Variants in ATP6V0E1 observed in about 807,000 individuals in gnomAD.
ATP6V0E1 encodes V-type proton ATPase subunit e 1.
Under a neutral mutation model 11.6 loss-of-function variants are expected in ATP6V0E1, and 4 were observed. That is an observed-to-expected ratio of 0.35 (90% confidence interval 0.17 to 0.79). The LOEUF (loss-of-function observed/expected upper bound fraction) is 0.79, where lower values mean the gene tolerates loss of function less well. Among genes scored for constraint, ATP6V0E1 ranks in the 30% least tolerant of loss-of-function variants. The pLI is 0.54. For synonymous variants in ATP6V0E1, 36 were observed against 34.8 expected (o/e 1.04, Z -0.13); for missense variants, 105 against 100.0 (o/e 1.05, Z -0.21).
At chr5:172,986,934 C>T (rs893383016) in intron 1 of ATP6V0E1, among the ~76,000 whole-genome samples, 2 of 151,810 alleles carry the variant, frequency 1.3e-5, no homozygotes, top group African/African-American at 2.4e-5. Context: ...GTTACAGGCG[C>T]GCACCACCAT....
intron 2 of ATP6V0E1, among the ~76,000 whole-genome samples, chr5:172,996,317 T>C (rs1268819796): frequency 1.3e-5 from 2 of 152,050 alleles, no homozygotes; most frequent in African/African-American, 4.8e-5. Flanking sequence ...CCCAGCACTT[T>C]GGGAGGCCGA....
intron 2 of ATP6V0E1, among the ~76,000 whole-genome samples, chr5:173,012,027 T>C (rs2113599569): frequency 6.6e-6 from 1 of 150,884 alleles, no homozygotes; most frequent in African/African-American, 2.5e-5. Flanking sequence ...ACTAGACTGT[T>C]TCCTAGGTAA....
chr5:173,002,921 C>T (rs1756180456), intron 2 of ATP6V0E1, among the ~76,000 whole-genome samples: 1 of 151,656 alleles, frequency 6.6e-6, no homozygotes, highest in African/African-American at 2.4e-5. Flanking sequence ...ACAGGGGTAT[C>T]CCACCTGTAG....
chr5:173,018,716 TTTTCGCCATTGTA>T (rs1202499669), intron 2 of ATP6V0E1, among the ~76,000 whole-genome samples: 9 of 152,196 alleles, frequency 5.9e-5, no homozygotes, highest in Admixed American at 5.9e-4. Flanking sequence ...GACATTTCAT[TTTTCGCCATTGTA>T]TTTCTGAGGC....
intron 2 of ATP6V0E1, among the ~76,000 whole-genome samples, chr5:173,007,255 A>G (rs1193278892): frequency 1.3e-5 from 2 of 152,172 alleles, no homozygotes; most frequent in Non-Finnish European, 2.9e-5. Context: ...GATTACAAGC[A>G]TGAGCCACCG....
intron 1 of ATP6V0E1, chr5:172,986,530 G>A (rs529980085): frequency 4.9e-4 from 110 of 226,670 alleles, no homozygotes; most frequent in African/African-American, 2.5e-3. Flanking sequence ...GGCTGAGTGA[G>A]GGGGATGGGA....
At chr5:172,985,053 T>C (rs931039796) in intron 1 of ATP6V0E1, among the ~76,000 whole-genome samples, 3 of 152,188 alleles carry the variant, frequency 2.0e-5, no homozygotes, top group Admixed American at 6.5e-5. Flanking sequence ...GAGACCATCC[T>C]GGCTAACACG....
chr5:173,021,388 G>T (rs563147), intron 3 of ATP6V0E1, among the ~76,000 whole-genome samples: 1 of 152,102 alleles, frequency 6.6e-6, no homozygotes, highest in Non-Finnish European at 1.5e-5. Context: ...ATGAAAGGCA[G>T]TTCTTACATG....
At position 172,993,534 on chromosome 5, in the gene ATP6V0E1, TA is replaced by T. The variant is rs1756015307; in HGVS notation, c.105-1238del. On this transcript the variant is annotated intron_variant, in intron 1 of 3. Coordinates refer to ENST00000519374, the MANE Select transcript of ATP6V0E1 (RefSeq NM_003945.4). ...AAACAAAAAAGACACACAGAACTTC[TA>T]AAGGATGAGTTAAAAATAAAGAAAA... Among the ~76,000 whole-genome samples, 3 of 151,296 alleles carry T rather than the reference TA, an allele frequency of 2.0e-5. No individual in the cohort carries two copies. The East Asian group carries it at 5.9e-4, about 30-fold the overall frequency.
At chr5:172,986,535 A>G in intron 1 of ATP6V0E1, 1 of 245,774 alleles carries the variant, frequency 4.1e-6, no homozygotes, top group South Asian at 3.7e-5. Context: ...AGTGAGGGGG[A>G]TGGGAGTGTT....
At chr5:173,018,383 C>T (rs1421669706) in intron 2 of ATP6V0E1, among the ~76,000 whole-genome samples, 1 of 152,094 alleles carries the variant, frequency 6.6e-6, no homozygotes, top group Non-Finnish European at 1.5e-5. Flanking sequence ...GGGCTTGGTC[C>T]TGCTGTCTCA....
chr5:173,019,421 G>A (rs192903586), intron 2 of ATP6V0E1, among the ~76,000 whole-genome samples: 5 of 152,236 alleles, frequency 3.3e-5, no homozygotes, highest in Non-Finnish European at 7.4e-5. Flanking sequence ...TGGGCGTGGT[G>A]GCGGGCGCCT....
At chr5:173,032,248 A>ATT (rs1255079395) in intron 3 of ATP6V0E1, among the ~76,000 whole-genome samples, 864 of 16,264 alleles carry the variant, frequency 0.053, 8 homozygotes, top group South Asian at 0.2. Context: ...CTTTTATTTT[A>ATT]TTTTATTTAT....
chr5:172,990,685 G>C (rs1340599470), intron 1 of ATP6V0E1, among the ~76,000 whole-genome samples: 2 of 151,982 alleles, frequency 1.3e-5, no homozygotes, highest in African/African-American at 4.8e-5. Flanking sequence ...AAATTAGCCA[G>C]GTGTGGTGGT....
intron 2 of ATP6V0E1, among the ~76,000 whole-genome samples, chr5:173,007,094 T>C (rs1756241248): frequency 6.6e-6 from 1 of 152,186 alleles, no homozygotes; most frequent in African/African-American, 2.4e-5. Context: ...CCTTTGGTAG[T>C]GAAATAGCCA....
intron 1 of ATP6V0E1, among the ~76,000 whole-genome samples, chr5:172,989,797 G>A (rs1274994503): frequency 1.3e-5 from 2 of 152,024 alleles, no homozygotes; most frequent in Admixed American, 6.5e-5. Flanking sequence ...CAAAGTGCTG[G>A]GATGACAGGA....
At chr5:172,994,496 C>T (rs1241821166) in intron 1 of ATP6V0E1, among the ~76,000 whole-genome samples, 5 of 152,172 alleles carry the variant, frequency 3.3e-5, no homozygotes, top group South Asian at 4.1e-4. Flanking sequence ...ATTGTCACTG[C>T]GGCCTTTCCT....
intron 3 of ATP6V0E1, among the ~76,000 whole-genome samples, chr5:173,022,943 G>T (rs975761366): frequency 6.6e-6 from 1 of 152,032 alleles, no homozygotes; most frequent in Non-Finnish European, 1.5e-5. Flanking sequence ...ATAGCTCACT[G>T]CTGCCTTGAA....
chr5:173,017,856 AAAAAG>A (rs1554119522), intron 2 of ATP6V0E1, among the ~76,000 whole-genome samples: 5 of 146,264 alleles, frequency 3.4e-5, no homozygotes, highest in African/African-American at 1.4e-4. Context: ...AAAAAAAAAA[AAAAAG>A]AAAAGAAAAG....
Sources: gnomAD v4.1 joint callset for allele counts (sites outside exome capture counted in the v4.1 genomes callset) on GRCh38, gnomAD v4.1.1 for gene constraint, MANE v1.5 for transcripts, NCBI Gene and HGNC (gene_info 2026-07-23, HGNC 2026-07-21) for gene names.